Variants in TSHZ2 observed in about 807,000 individuals in gnomAD.
The protein encoded by TSHZ2 is teashirt homolog 2.
TSHZ2 carries 21 observed loss-of-function variants against 74.4 expected under a neutral mutation model. The ratio of observed to expected loss-of-function variants is 0.28; its 90% CI spans 0.20 to 0.41. TSHZ2 has a LOEUF of 0.41. Ranked by LOEUF, TSHZ2 falls within the 10% of genes least tolerant of loss-of-function variation. The pLI is 1.00. For missense variants in TSHZ2, 1,244 were observed against 1,293.5 expected (o/e 0.96, Z 0.59); for synonymous variants, 540 against 515.3 (o/e 1.05, Z -0.65).
rs147443117 is a variant in TSHZ2, at chr20:53,217,047, G to A, written c.41-36452G>A. Among the ~76,000 whole-genome samples, 26 of 152,274 alleles carry A rather than the reference G, an allele frequency of 1.7e-4. No individual in the cohort carries two copies. In the East Asian group the frequency reaches 4.3e-3, roughly 25 times the overall value. On this transcript the variant is annotated intron_variant, in intron 1 of 2. Transcript: ENST00000371497. ...TTTTAGTGTCTGATTGTCAGGCTGC[G>A]GCATTAGAAAGTCTGTGGTCGCATT...
intron 1 of TSHZ2, among the ~76,000 whole-genome samples, chr20:52,989,964 A>G (rs1451771071): frequency 6.6e-6 from 1 of 151,630 alleles, no homozygotes; most frequent in Non-Finnish European, 1.5e-5. Flanking sequence ...TACTAATTAT[A>G]TATATATAAC....
intron 1 of TSHZ2, among the ~76,000 whole-genome samples, chr20:52,981,345 C>T (rs1017557287): frequency 2.0e-5 from 3 of 152,110 alleles, no homozygotes; most frequent in African/African-American, 4.8e-5. Flanking sequence ...CTTATTCGGC[C>T]GCGTAAACTT....
At chr20:53,479,434 C>T (rs1182376441) in intron 2 of TSHZ2, among the ~76,000 whole-genome samples, 4 of 152,186 alleles carry the variant, frequency 2.6e-5, no homozygotes, top group Admixed American at 6.5e-5. Context: ...GCAGACTCAC[C>T]GTGAACATGT....
chr20:53,288,524 T>C (rs1991214956), intron 2 of TSHZ2, among the ~76,000 whole-genome samples: 1 of 152,242 alleles, frequency 6.6e-6, no homozygotes, highest in Non-Finnish European at 1.5e-5. Flanking sequence ...GCCAAAGTCT[T>C]GGAGAATGAA....
chr20:53,370,872 C>G (rs1981443673), intron 2 of TSHZ2, among the ~76,000 whole-genome samples: 1 of 152,204 alleles, frequency 6.6e-6, no homozygotes, highest in East Asian at 1.9e-4. Context: ...TTACTACAAA[C>G]TCAGTGGCTT....
At chr20:53,415,820 ACG>A (rs990993385) in intron 2 of TSHZ2, among the ~76,000 whole-genome samples, 16 of 71,898 alleles carry the variant, frequency 2.2e-4, no homozygotes, top group East Asian at 4.5e-4. Context: ...ACACACACAC[ACG>A]CACACACAGG....
intron 2 of TSHZ2, among the ~76,000 whole-genome samples, chr20:53,417,048 G>A (rs116409947): frequency 2.8e-3 from 421 of 152,256 alleles, no homozygotes; most frequent in African/African-American, 9.5e-3. Context: ...CCTGTGCATT[G>A]TAGAATGCTG....
chr20:53,441,841 C>A (rs1236705173), intron 2 of TSHZ2, among the ~76,000 whole-genome samples: 1 of 152,242 alleles, frequency 6.6e-6, no homozygotes, highest in Non-Finnish European at 1.5e-5. Flanking sequence ...CTCAGCCTCC[C>A]AAAGTGCTGG....
chr20:53,407,942 T>C (rs917664052), intron 2 of TSHZ2, among the ~76,000 whole-genome samples: 2 of 152,216 alleles, frequency 1.3e-5, no homozygotes, highest in African/African-American at 4.8e-5. Flanking sequence ...CATTTAAAAA[T>C]GTAAAAACAA....
chr20:53,114,891 T>A (rs1316594811), intron 1 of TSHZ2, among the ~76,000 whole-genome samples: 1 of 152,148 alleles, frequency 6.6e-6, no homozygotes, highest in Non-Finnish European at 1.5e-5. Context: ...TTACCGATGT[T>A]TTAAATTGTG....
At chr20:53,144,114 A>C (rs1188986285) in intron 1 of TSHZ2, among the ~76,000 whole-genome samples, 1 of 152,206 alleles carries the variant, frequency 6.6e-6, no homozygotes, top group Non-Finnish European at 1.5e-5. Flanking sequence ...CACTGAGTGC[A>C]GGGTCTGCAT....
intron 1 of TSHZ2, among the ~76,000 whole-genome samples, chr20:53,212,404 C>G (rs578207544): frequency 6.6e-6 from 1 of 152,258 alleles, no homozygotes; most frequent in Admixed American, 6.5e-5. Flanking sequence ...ATTATACTAA[C>G]GAATCCTTGC....
chr20:53,131,128 T>C (rs1256099965), intron 1 of TSHZ2, among the ~76,000 whole-genome samples: 1 of 152,240 alleles, frequency 6.6e-6, no homozygotes, highest in East Asian at 1.9e-4. Flanking sequence ...TTGTTTATGA[T>C]TTCATCAAAT....
rs540367640 is a variant in TSHZ2, at chr20:53,472,394, T to C, written c.*9-14750T>C. 5.0e-4 allele frequency among the ~76,000 whole-genome samples: 76 copies of C among 152,312 alleles called. 1 individual carries two copies. The highest frequency in any genetic ancestry group is 1.7e-3 in the African/African-American group (69 of 41,580). ...GGCACAGTCAAAGACGACCGAACTT[T>C]CTGGCTGAAAGTTGAGTCATATGAG... On this transcript the variant is annotated intron_variant, in intron 2 of 2. Coordinates refer to ENST00000371497, the MANE Select transcript of TSHZ2 (RefSeq NM_173485.6).
At chr20:53,158,496 G>A (rs942566486) in intron 1 of TSHZ2, among the ~76,000 whole-genome samples, 3 of 152,126 alleles carry the variant, frequency 2.0e-5, no homozygotes, top group African/African-American at 7.2e-5. Context: ...TGTGAGAAAT[G>A]GTTGGATTGT....
At chr20:53,243,797 A>G (rs189771309) in intron 1 of TSHZ2, among the ~76,000 whole-genome samples, 36 of 150,520 alleles carry the variant, frequency 2.4e-4, no homozygotes, top group Non-Finnish European at 4.6e-4. Flanking sequence ...CTGAGAGAAC[A>G]GTGGGTTTCT....
At chr20:53,474,263 T>A (rs1309544893) in intron 2 of TSHZ2, among the ~76,000 whole-genome samples, 2 of 141,094 alleles carry the variant, frequency 1.4e-5, no homozygotes, top group Non-Finnish European at 3.1e-5. Context: ...GAGAGAAAGG[T>A]CGGGTTACCC....
intron 2 of TSHZ2, among the ~76,000 whole-genome samples, chr20:53,366,722 G>A (rs1212179054): frequency 1.3e-5 from 2 of 152,178 alleles, no homozygotes; most frequent in Non-Finnish European, 2.9e-5. Context: ...GGGACAAATA[G>A]ACCACACTCT....
chr20:52,998,632 T>C (rs1233513119), intron 1 of TSHZ2, among the ~76,000 whole-genome samples: 1 of 152,204 alleles, frequency 6.6e-6, no homozygotes, highest in Admixed American at 6.5e-5. Flanking sequence ...CCTTGCTCTT[T>C]TCAGGGTTAC....
Sources: gnomAD v4.1 joint callset for allele counts (sites outside exome capture counted in the v4.1 genomes callset) on GRCh38, gnomAD v4.1.1 for gene constraint, MANE v1.5 for transcripts, NCBI Gene and HGNC (gene_info 2026-07-23, HGNC 2026-07-21) for gene names.